The following GALNT6 variants were observed in gnomAD, a reference collection of about 807,000 sequenced individuals.
GALNT6 encodes GalNAc transferase 6.
GALNT6 carries 51 observed loss-of-function variants against 65.9 expected under a neutral mutation model. That is an observed-to-expected ratio of 0.77 (90% CI 0.62 to 0.98). The LOEUF (loss-of-function observed/expected upper bound fraction) is 0.98, where lower values mean the gene tolerates loss of function less well. Among genes scored for constraint, GALNT6 ranks in the 50% least tolerant of loss-of-function variants. The pLI, the probability that GALNT6 is intolerant of heterozygous loss-of-function variation, is 0.00. For synonymous variants in GALNT6, 323 were observed against 315.1 expected (o/e 1.02, Z -0.26); for missense variants, 708 against 803.3 (o/e 0.88, Z 1.43).
rs540495562 is a variant in GALNT6 at position 51,377,485 on chromosome 12, A to G, written c.492-118T>C. The G allele has an allele frequency of 3.9e-4, 307 of 785,580 alleles. 1 individual carries two copies. Among genetic ancestry groups the G allele is most frequent in the African/African-American group, 3.6e-3 (212 of 58,706 alleles). The allele number at this position is 785,580 out of a possible 1,614,324, so 48.7% of individuals were successfully genotyped here. A position where few individuals can be genotyped will look rare whatever the true frequency, so the allele number is the denominator to read the frequency against. On this transcript the variant is annotated intron_variant, in intron 3 of 11. Coordinates refer to ENST00000356317, the MANE Select transcript of GALNT6 (RefSeq NM_007210.4). ...TCCACTCCTCTGAACCACAGCCTAC[A>G]TTCTCTATAGCAGGTGGGAACAGCT...
intron 2 of GALNT6, among the ~76,000 whole-genome samples, chr12:51,382,771 C>T (rs758914835): frequency 4.6e-5 from 7 of 152,206 alleles, no homozygotes; most frequent in East Asian, 1.9e-4. Flanking sequence ...ATGACCCATT[C>T]GGAGTCTGAC....
At chr12:51,381,099 G>A (rs1158376891) in intron 2 of GALNT6, among the ~76,000 whole-genome samples, 1 of 152,124 alleles carries the variant, frequency 6.6e-6, no homozygotes, top group Non-Finnish European at 1.5e-5. Context: ...AATTAGCGAG[G>A]CGTAGTGGTG....
chr12:51,390,159 T>TCTTTCTTTCTTTC (rs1555182812), intron 2 of GALNT6, among the ~76,000 whole-genome samples: 9 of 31,802 alleles, frequency 2.8e-4, no homozygotes, highest in African/African-American at 5.4e-4. Context: ...TTTCTTTCTT[T>TCTTTCTTTCTTTC]TTTTTTTTTT....
At chr12:51,385,563 G>A (rs1056064735) in intron 2 of GALNT6, among the ~76,000 whole-genome samples, 2 of 152,094 alleles carry the variant, frequency 1.3e-5, no homozygotes, top group African/African-American at 4.8e-5. Context: ...TCTCACTTTG[G>A]TCAAGTCATA....
intron 6 of GALNT6, 124 bp from the exon 7 acceptor site, chr12:51,360,962 G>A (rs1256097243): frequency 6.4e-6 from 4 of 629,200 alleles, no homozygotes; most frequent in East Asian, 2.8e-5. Context: ...TTCTCAGGAC[G>A]TGCAGCCCCT....
chr12:51,360,820 A>G lies in GALNT6; in HGVS notation c.1068T>C (p.Gly356=), dbSNP rs1327871052. 1 of 1,612,104 alleles carries G rather than the reference A, an allele frequency of 6.2e-7. No homozygotes were observed. Among genetic ancestry groups the G allele is most frequent in the Admixed American group, 1.7e-5 (1 of 60,008 alleles). The change falls in exon 7 of 12, where the codon GGT becomes GGC. Residue 356 remains glycine, a synonymous_variant. Transcript: ENST00000356317. ...AGGACTTGGAGATGGAGAAGAGGCC[A>G]CCAGCAAACGTCGGGGATCTGGAGA... ...TYPIKSPTFA[G]GLFSISKSYF... is the part of the protein sequence containing the mutation.
chr12:51,384,238 C>T (rs944043353), intron 2 of GALNT6, among the ~76,000 whole-genome samples: 5 of 152,328 alleles, frequency 3.3e-5, no homozygotes, highest in African/African-American at 1.2e-4. Context: ...ATTTGCTTCC[C>T]TGGCCCCACC....
In GALNT6 at chr12:51,365,551, G is replaced by A. The variant is rs753279952; in HGVS notation, c.693C>T (p.Tyr231=). The change falls in exon 5 of 12, where the codon TAC becomes TAT. Residue 231 remains tyrosine, a synonymous_variant. Coordinates refer to ENST00000356317, the MANE Select transcript of GALNT6 (RefSeq NM_007210.4). ...CCCTCACCACCTGCAGCTGCTTCACGTACTGCTCCAGCTTCTCCTTTAGGT... is the reference window on the plus strand; with the variant it reads ...CCCTCACCACCTGCAGCTGCTTCACATACTGCTCCAGCTTCTCCTTTAGGT... ...EEHLKEKLEQ[Y]VKQLQVVRVV... The A allele has an allele frequency of 2.3e-5, 37 of 1,613,630 alleles. No homozygotes were observed. Among genetic ancestry groups the A allele is most frequent in the South Asian group, 1.3e-4 (12 of 91,060 alleles).
rs572975781 is a variant in GALNT6, at chr12:51,354,220, A to G, written c.*159T>C. 5.2e-5 allele frequency: 28 copies of G among 537,470 alleles called. No homozygotes were observed. Among genetic ancestry groups the G allele is most frequent in the African/African-American group, 4.0e-4 (20 of 49,650 alleles). 33.3% of individuals were successfully genotyped at this position (537,470 alleles called of 1,614,324 possible). On this transcript the variant is annotated 3_prime_UTR_variant, in exon 12 of 12. Coordinates refer to ENST00000356317, the MANE Select transcript of GALNT6 (RefSeq NM_007210.4). ...GTGTGAAGGAAAGAAAATGGGCCCAATGTTGTTGCAAGGATTAGGAAGGTC... is the reference window on the plus strand; with the variant it reads ...GTGTGAAGGAAAGAAAATGGGCCCAGTGTTGTTGCAAGGATTAGGAAGGTC...
chr12:51,365,970 T>C (rs529611935), intron 4 of GALNT6, among the ~76,000 whole-genome samples: 1 of 152,078 alleles, frequency 6.6e-6, no homozygotes, highest in South Asian at 2.1e-4. Context: ...CAGGCTGGAG[T>C]GCAATGGCGT....
intron 4 of GALNT6, 108 bp downstream of exon 4, chr12:51,377,087 G>A (rs1012580581): frequency 4.5e-6 from 4 of 896,360 alleles, no homozygotes; most frequent in Non-Finnish European, 7.1e-6. Context: ...TGTGATGTCA[G>A]GCAACAGGCT....
At position 51,365,577 on chromosome 12, in the gene GALNT6, G is replaced by A; in HGVS notation, c.667C>T (p.His223Tyr). 1 of 1,613,582 alleles carries A rather than the reference G, an allele frequency of 6.2e-7. No homozygotes were observed. Among genetic ancestry groups the A allele is most frequent in the South Asian group, 1.1e-5 (1 of 91,046 alleles). ...ILVDDASTEE[H>Y]LKEKLEQYVK... is the part of the protein sequence containing the mutation. ...TACTGCTCCAGCTTCTCCTTTAGGT[G>A]CTCTGGAAGGGACAGTGTCATTGTG... The change falls in exon 5 of 12, where the codon CAC becomes TAC. Residue 223 changes from histidine (H) to tyrosine (Y), a missense_variant and splice_region_variant. Physicochemically the swap from His to Tyr is moderately conservative, Grantham distance 83. Coordinates refer to ENST00000356317, the MANE Select transcript of GALNT6 (RefSeq NM_007210.4).
rs549243665 is a variant in GALNT6 at position 51,351,859 on chromosome 12, C to T, written c.*2520G>A. ...CTAAGGGACAACACAGGTAAGAGAA[C>T]ACAACGCGAGTTTCCTTGACCAATG... On this transcript the variant is annotated 3_prime_UTR_variant, in exon 12 of 12. Transcript: ENST00000356317. The T allele has an allele frequency of 2.0e-5, 3 of 152,220 alleles. No individual in the cohort carries two copies. Among genetic ancestry groups the T allele is most frequent in the African/African-American group, 7.2e-5 (3 of 41,448 alleles). The allele number at this position is 152,220 out of a possible 1,614,324, so 9.4% of individuals were successfully genotyped here.
At chr12:51,358,012 A>C in intron 9 of GALNT6, 118 bp downstream of exon 9, 1 of 975,298 alleles carries the variant, frequency 1.0e-6, no homozygotes, top group Non-Finnish European at 1.5e-6. Flanking sequence ...TCCTGGATAA[A>C]GGAGGGTGCA....
rs1947880049 is a variant in GALNT6 at position 51,387,480 on chromosome 12, G to A, written c.-104+3370C>T. On this transcript the variant is annotated intron_variant, in intron 2 of 11. Transcript: ENST00000356317. The surrounding 1 kb of genome is among the most constrained non-coding windows in gnomAD (Gnocchi z 4.2). ...ACTCAACCCAACTTTGCTCACCACT[G>A]TATACCTAGAGCAGCGCTTGGCATG... Among the ~76,000 whole-genome samples, 1 of 152,176 alleles carries A rather than the reference G, an allele frequency of 6.6e-6. No individual in the cohort carries two copies. Among genetic ancestry groups the A allele is most frequent in the South Asian group, 2.1e-4 (1 of 4,828 alleles).
At position 51,378,308 on chromosome 12, in the gene GALNT6, C is replaced by T. The variant is rs533672246; in HGVS notation, c.492-941G>A. ...TAGCTGGGATTACAGGCACCCACTACCATGCCGGGCTAATTTTTTTGTATT... is the reference window on the plus strand; with the variant it reads ...TAGCTGGGATTACAGGCACCCACTATCATGCCGGGCTAATTTTTTTGTATT... On this transcript the variant is annotated intron_variant, in intron 3 of 11. Coordinates refer to ENST00000356317, the MANE Select transcript of GALNT6 (RefSeq NM_007210.4). Among the ~76,000 whole-genome samples, 20 of 152,280 alleles carry T rather than the reference C, an allele frequency of 1.3e-4. No individual in the cohort carries two copies. The South Asian group carries it at 3.9e-3, about 30-fold the overall frequency.
At chr12:51,354,537 T>A in intron 11 of GALNT6, 45 bp from the exon 12 acceptor site, 1 of 1,256,246 alleles carries the variant, frequency 8.0e-7, no homozygotes, top group Non-Finnish European at 1.1e-6. Flanking sequence ...CACAGACCTC[T>A]TAACGGTGCT....
Position 51,351,307 on chromosome 12 carries a change from T to C in GALNT6, c.*3072A>G, listed in dbSNP as rs1261939338. The C allele has an allele frequency of 6.6e-6, 1 of 152,232 alleles. No homozygotes were observed. The highest frequency in any genetic ancestry group is 1.9e-4 in the East Asian group (1 of 5,204). 9.4% of individuals were successfully genotyped at this position (152,232 alleles called of 1,614,324 possible). On this transcript the variant is annotated 3_prime_UTR_variant, in exon 12 of 12. Coordinates refer to ENST00000356317, the MANE Select transcript of GALNT6 (RefSeq NM_007210.4). The stretch of plus-strand genomic sequence containing the variant: ...GTCATAACATTAATTTTTTTTTGAA[T>C]GGAGCAAGAGCTCCGTGAAGGCTAA...
chr12:51,361,450 A>G (rs1946922021), intron 6 of GALNT6, among the ~76,000 whole-genome samples: 1 of 152,192 alleles, frequency 6.6e-6, no homozygotes, highest in African/African-American at 2.4e-5. Flanking sequence ...TTTGGGGAGA[A>G]GTTGCCAGTT....
Sources: gnomAD v4.1 joint callset for allele counts (sites outside exome capture counted in the v4.1 genomes callset) on GRCh38, gnomAD v4.1.1 for gene constraint, Gnocchi (gnomAD v3.1) non-coding constraint, MANE v1.5 for transcripts, NCBI Gene and HGNC (gene_info 2026-07-23, HGNC 2026-07-21) for gene names.